TNIK: variants seen among roughly 807,000 people sequenced by gnomAD.
TNIK encodes TRAF2 and NCK interacting kinase.
A neutral mutation model predicts 191.3 loss-of-function variants in TNIK; 49 were observed. The observed-to-expected ratio is 0.26, with a 90% CI of 0.20 to 0.32. The LOEUF is 0.32. Among genes scored for constraint, TNIK ranks in the 10% least tolerant of loss-of-function variants. The pLI, the probability that TNIK is intolerant of heterozygous loss-of-function variation, is 1.00. For synonymous variants in TNIK, 594 were observed against 600.9 expected, an observed-to-expected ratio of 0.99 and a Z score of 0.17; for missense variants, 1,155 against 1,702.3, an observed-to-expected ratio of 0.68 and a Z score of 5.66.
intron 2 of TNIK, among the ~76,000 whole-genome samples, chr3:171,348,024 T>C (rs1272017630): frequency 1.3e-5 from 2 of 152,194 alleles, no homozygotes; most frequent in Non-Finnish European, 2.9e-5. Context: ...TTATTCACTG[T>C]TAAGGTTGTC....
intron 12 of TNIK, among the ~76,000 whole-genome samples, chr3:171,143,666 G>A (rs1265724746): frequency 6.6e-6 from 1 of 152,154 alleles, no homozygotes; most frequent in African/African-American, 2.4e-5. Flanking sequence ...TAGATTGAAA[G>A]CCGTGTGTGG....
chr3:171,377,981 G>A lies in TNIK; in HGVS notation c.58-8296C>T, dbSNP rs777925689. ...ATGCTGAAATTAACCTGGGGTTACGGGGATGCTGAAGGCCTTGTGGGTTAA... is the reference window on the plus strand; with the variant it reads ...ATGCTGAAATTAACCTGGGGTTACGAGGATGCTGAAGGCCTTGTGGGTTAA... On this transcript the variant is annotated intron_variant, in intron 1 of 32. Transcript: ENST00000436636. Among the ~76,000 whole-genome samples the A allele has an allele frequency of 3.7e-4, 57 of 152,304 alleles. No homozygotes were observed. The Middle Eastern group carries it at 0.01, about 27-fold the overall frequency.
chr3:171,436,934 G>A (rs1560072870), intron 1 of TNIK, among the ~76,000 whole-genome samples: 1 of 152,206 alleles, frequency 6.6e-6, no homozygotes, highest in East Asian at 1.9e-4. Context: ...GGATCATTTG[G>A]CGAGGCTGTC....
chr3:171,266,052 C>T lies in TNIK; in HGVS notation c.124-37831G>A, dbSNP rs138903369. ...AATCAAAAGGTGGCAGATGTAAATG[C>T]GGCACGGGCCCAGGAAGCTGTCAGG... is the stretch of plus-strand genomic sequence containing the variant. On this transcript the variant is annotated intron_variant, in intron 2 of 32. Transcript: ENST00000436636. Among the ~76,000 whole-genome samples the T allele has an allele frequency of 4.4e-3, 666 of 151,440 alleles. 2 individuals carry two copies. The highest frequency in any genetic ancestry group is 7.7e-3 in the Non-Finnish European group (526 of 67,896).
chr3:171,190,608 G>C, intron 6 of TNIK, 89 bp downstream of exon 6: 1 of 1,004,018 alleles, frequency 1.0e-6, no homozygotes, highest in South Asian at 1.8e-5. Context: ...CCAAATCCAC[G>C]GTGACAAATT....
chr3:171,318,280 G>A (rs1474933070), intron 2 of TNIK, among the ~76,000 whole-genome samples: 2 of 152,108 alleles, frequency 1.3e-5, no homozygotes, highest in Non-Finnish European at 2.9e-5. Context: ...ATTATTTAAT[G>A]CCTGATCAAA....
chr3:171,266,758 A>C (rs1322140745), intron 2 of TNIK, among the ~76,000 whole-genome samples: 1 of 152,202 alleles, frequency 6.6e-6, no homozygotes, highest in Non-Finnish European at 1.5e-5. Context: ...CCTTGAAAAC[A>C]CTTCCTTCCT....
At chr3:171,452,729 AACAC>A (rs10602125) in intron 1 of TNIK, among the ~76,000 whole-genome samples, 15,095 of 142,448 alleles carry the variant, frequency 0.11, 754 homozygotes, top group Middle Eastern at 0.13. Context: ...ACACACTCCA[AACAC>A]ACACACACAC....
At chr3:171,356,837 G>A (rs1714150827) in intron 2 of TNIK, among the ~76,000 whole-genome samples, 1 of 152,122 alleles carries the variant, frequency 6.6e-6, no homozygotes, top group African/African-American at 2.4e-5. Context: ...TACTGTGAAG[G>A]TCAAATGAAA....
intron 2 of TNIK, among the ~76,000 whole-genome samples, chr3:171,233,709 A>G (rs1344266714): frequency 2.6e-5 from 4 of 152,194 alleles, no homozygotes; most frequent in African/African-American, 7.2e-5. Flanking sequence ...AATAGATTGG[A>G]TATGTATTTC....
intron 1 of TNIK, among the ~76,000 whole-genome samples, chr3:171,387,990 G>T (rs1169171876): frequency 1.3e-5 from 2 of 151,250 alleles, no homozygotes; most frequent in African/African-American, 4.9e-5. Context: ...TGGGGGGAGG[G>T]GACGGGGGGG....
intron 2 of TNIK, among the ~76,000 whole-genome samples, chr3:171,284,021 G>C (rs1417915959): frequency 2.0e-5 from 3 of 152,120 alleles, no homozygotes; most frequent in African/African-American, 2.4e-5. Context: ...TTCACCATTT[G>C]CCCGTTATCC....
intron 2 of TNIK, among the ~76,000 whole-genome samples, chr3:171,325,142 T>G (rs191101078): frequency 2.0e-5 from 3 of 151,804 alleles, no homozygotes; most frequent in African/African-American, 7.3e-5. Flanking sequence ...AGAGAAGAAC[T>G]CAGATTGGCT....
At chr3:171,073,049 T>C (rs1349326881) in intron 28 of TNIK, among the ~76,000 whole-genome samples, 1 of 151,972 alleles carries the variant, frequency 6.6e-6, no homozygotes, top group Non-Finnish European at 1.5e-5. Flanking sequence ...GAAAAGACAA[T>C]TCTAAAATTC....
chr3:171,298,219 G>A (rs1279151409), intron 2 of TNIK, among the ~76,000 whole-genome samples: 2 of 152,184 alleles, frequency 1.3e-5, no homozygotes, highest in Non-Finnish European at 2.9e-5. Context: ...CTGAGGTCAG[G>A]AACACTGTCA....
At chr3:171,337,078 A>C (rs1757029249) in intron 2 of TNIK, among the ~76,000 whole-genome samples, 1 of 152,176 alleles carries the variant, frequency 6.6e-6, no homozygotes, top group African/African-American at 2.4e-5. Context: ...CCTACTGCCC[A>C]CCCCAGAGCA....
intron 1 of TNIK, among the ~76,000 whole-genome samples, chr3:171,449,629 T>C (rs1309533184): frequency 1.3e-5 from 2 of 152,164 alleles, no homozygotes; most frequent in African/African-American, 4.8e-5. Context: ...CCAAAGTGCA[T>C]ATGTGGTTAT....
At chr3:171,341,078 TGCA>T (rs2108400357) in intron 2 of TNIK, among the ~76,000 whole-genome samples, 1 of 152,308 alleles carries the variant, frequency 6.6e-6, no homozygotes, top group South Asian at 2.1e-4. Context: ...TGGCTATTAA[TGCA>T]GTTGTAAATG....
At chr3:171,251,473 GTCTT>G (rs1369142026) in intron 2 of TNIK, among the ~76,000 whole-genome samples, 2 of 152,172 alleles carry the variant, frequency 1.3e-5, no homozygotes, top group Non-Finnish European at 2.9e-5. Context: ...TCCTGCCACA[GTCTT>G]GGGATGAGTT....
Sources: allele counts gnomAD v4.1 joint callset (sites outside exome capture counted in the v4.1 genomes callset), GRCh38; gene constraint gnomAD v4.1.1; transcripts MANE v1.5; gene names NCBI Gene and HGNC (gene_info 2026-07-23, HGNC 2026-07-21).